The following BCLAF3 variants were observed in gnomAD, a reference collection of about 807,000 sequenced individuals.
BCLAF3 encodes the protein BCLAF1 and THRAP3 family member 3.
BCLAF3 carries 24 observed loss-of-function variants against 51.2 expected under a neutral mutation model. That is an observed-to-expected ratio of 0.47 (90% CI 0.34 to 0.66). The LOEUF (loss-of-function observed/expected upper bound fraction) is 0.66, where lower values mean the gene tolerates loss of function less well. Ranked by LOEUF, BCLAF3 falls within the 30% of genes least tolerant of loss-of-function variation. The pLI is 0.01. For synonymous variants in BCLAF3, 152 were observed against 176.6 expected (o/e 0.86, Z 1.10); for missense variants, 465 against 525.1 (o/e 0.89, Z 1.12).
chrX:19,934,419 C>T (rs1203385968), intron 10 of BCLAF3, among the ~76,000 whole-genome samples: 1 of 111,928 alleles, frequency 8.9e-6, no homozygotes, highest in Non-Finnish European at 1.9e-5. Context: ...TGATGTGATG[C>T]CCCATTACTC....
At chrX:19,956,968 G>GGGTT (rs1232806782) in intron 4 of BCLAF3, among the ~76,000 whole-genome samples, 1 of 111,819 alleles carries the variant, frequency 8.9e-6, no homozygotes, top group Non-Finnish European at 1.9e-5. Flanking sequence ...AACTGCTGCA[G>GGGTT]GGTTATGAGG....
chrX:19,935,980 T>A (rs2070742150), intron 9 of BCLAF3, 82 bp from the exon 10 acceptor site: 9 of 786,011 alleles, frequency 1.1e-5, no homozygotes, highest in Non-Finnish European at 1.5e-5. Context: ...GAAAACACAT[T>A]TTAAATGTAC....
chrX:19,953,438 T>C (rs1380736460), intron 6 of BCLAF3, among the ~76,000 whole-genome samples: 2 of 112,079 alleles, frequency 1.8e-5, no homozygotes, highest in African/African-American at 6.5e-5. Flanking sequence ...CGAAGCAACA[T>C]ATGATTTCGA....
At chrX:19,972,457 GCATAAT>G (rs2072288403) in intron 1 of BCLAF3, among the ~76,000 whole-genome samples, 1 of 111,990 alleles carries the variant, frequency 8.9e-6, no homozygotes, top group African/African-American at 3.2e-5. Flanking sequence ...TTTTTCTGGA[GCATAAT>G]CTTTTTTCCA....
chrX:19,981,616 C>T (rs1352260478), intron 1 of BCLAF3, among the ~76,000 whole-genome samples: 3 of 111,807 alleles, frequency 2.7e-5, no homozygotes, highest in African/African-American at 9.8e-5. Context: ...TATGTCTACA[C>T]AAAACTTGTA....
chrX:19,968,851 C>T (rs995210401), intron 2 of BCLAF3, among the ~76,000 whole-genome samples: 3 of 112,477 alleles, frequency 2.7e-5, no homozygotes, highest in Non-Finnish European at 3.8e-5. Context: ...CAGTGGCTCA[C>T]GCCTGTAATC....
intron 6 of BCLAF3, among the ~76,000 whole-genome samples, 165 bp downstream of exon 6, chrX:19,953,613 G>T (rs1286455012): frequency 8.9e-6 from 1 of 111,970 alleles, no homozygotes; most frequent in African/African-American, 3.2e-5. Context: ...AAAGTGCAGT[G>T]GCCAGATAAT....
intron 1 of BCLAF3, among the ~76,000 whole-genome samples, chrX:19,987,613 C>G (rs760083332): frequency 2.7e-5 from 3 of 112,537 alleles, no homozygotes; most frequent in Admixed American, 1.9e-4. Flanking sequence ...CACCCCCAAA[C>G]TGAATTTTTA....
At chrX:19,975,065 A>G (rs945945465) in intron 1 of BCLAF3, among the ~76,000 whole-genome samples, 2 of 111,467 alleles carry the variant, frequency 1.8e-5, no homozygotes. Flanking sequence ...AACCACTGAA[A>G]TGCACACTTT....
chrX:19,927,739 TC>T (rs1445726882), intron 11 of BCLAF3, among the ~76,000 whole-genome samples: 1 of 109,746 alleles, frequency 9.1e-6, no homozygotes, highest in East Asian at 2.8e-4. Context: ...ACTCCTGGGC[TC>T]AAGCAATCCT....
chrX:19,931,748 C>T (rs755311479), intron 10 of BCLAF3, among the ~76,000 whole-genome samples: 1 of 112,169 alleles, frequency 8.9e-6, no homozygotes, highest in African/African-American at 3.2e-5. Context: ...TCATACCTAA[C>T]ATTATATGCA....
chrX:19,975,242 T>TA (rs761028494), intron 1 of BCLAF3, among the ~76,000 whole-genome samples: 173 of 101,545 alleles, frequency 1.7e-3, no homozygotes, highest in Non-Finnish European at 2.0e-3. Context: ...AAAGTGTTGT[T>TA]AAAAAAAAAA....
In BCLAF3 at chrX:19,916,544, A is replaced by G. The variant is rs2069942010; in HGVS notation, c.*761T>C. On this transcript the variant is annotated 3_prime_UTR_variant, in exon 12 of 12. Transcript: ENST00000379682. The stretch of plus-strand genomic sequence containing the variant: ...TCAAATATGAGATTTTGTTTGTCAG[A>G]TTTTTAAAAAGCCTTTAAAAATATG... The G allele has an allele frequency of 1.8e-5, 2 of 112,651 alleles. No individual in the cohort carries two copies. The highest frequency in any genetic ancestry group is 1.9e-5 in the Non-Finnish European group (1 of 53,214). 9.3% of individuals were successfully genotyped at this position (112,651 alleles called of 1,213,427 possible). A position where few individuals can be genotyped will look rare whatever the true frequency, so the allele number is the denominator to read the frequency against.
intron 1 of BCLAF3, among the ~76,000 whole-genome samples, chrX:19,971,543 T>C (rs764406841): frequency 8.9e-6 from 1 of 112,642 alleles, no homozygotes; most frequent in Non-Finnish European, 1.9e-5. Context: ...CTAAACTTGA[T>C]TTTTCAAATA....
At chrX:19,948,628 G>A (rs1223746360) in intron 8 of BCLAF3, among the ~76,000 whole-genome samples, 12 of 109,220 alleles carry the variant, frequency 1.1e-4, no homozygotes, top group Admixed American at 7.8e-4. Flanking sequence ...AAAATTAGCC[G>A]GGTGTGGTGG....
At chrX:19,955,131 G>T (rs1018153417) in intron 5 of BCLAF3, among the ~76,000 whole-genome samples, 1 of 110,681 alleles carries the variant, frequency 9.0e-6, no homozygotes, top group Non-Finnish European at 1.9e-5. Context: ...CTTTTCTTTC[G>T]CAGCAGCCAG....
At chrX:19,932,723 G>C (rs772351848) in intron 10 of BCLAF3, among the ~76,000 whole-genome samples, 2 of 109,484 alleles carry the variant, frequency 1.8e-5, no homozygotes, top group South Asian at 7.9e-4. Context: ...GTAGAGACAG[G>C]GTTTCACTAT....
chrX:19,922,438 A>G (rs189078250), intron 11 of BCLAF3, among the ~76,000 whole-genome samples: 3 of 112,192 alleles, frequency 2.7e-5, no homozygotes, highest in African/African-American at 9.7e-5. Context: ...TACATAAACT[A>G]ATTAAAAAAA....
chrX:19,970,121 G>A lies in BCLAF3; in HGVS notation c.41+103C>T. ...CCTCCACTATGATAAAGTACCTACT[G>A]TGAATAACCAGGTCCCATGAGCTTA... On this transcript the variant is annotated intron_variant, in intron 2 of 11. Transcript: ENST00000379682. 4.5e-6 allele frequency: 3 copies of A among 659,812 alleles called. No individual in the cohort carries two copies. The South Asian group carries it at 6.9e-5, about 15-fold the overall frequency. 54.4% of individuals were successfully genotyped at this position (659,812 alleles called of 1,213,427 possible).
Sources: gnomAD v4.1 joint callset for allele counts (sites outside exome capture counted in the v4.1 genomes callset) on GRCh38, gnomAD v4.1.1 for gene constraint, MANE v1.5 for transcripts, NCBI Gene and HGNC (gene_info 2026-07-23, HGNC 2026-07-21) for gene names.